The following NOC2L variants were observed in gnomAD, a reference collection of about 807,000 sequenced individuals.
NOC2L encodes nucleolar complex protein 2 homolog.
NOC2L carries 101 observed loss-of-function variants against 94.2 expected under a neutral mutation model. That is an observed-to-expected ratio of 1.07 (90% CI 0.91 to 1.26). The LOEUF is 1.26. Among genes scored for constraint, NOC2L ranks in the 50% most tolerant of loss-of-function variants. The pLI is 0.00. For synonymous variants in NOC2L, 531 were observed against 413.4 expected (o/e 1.28, Z -3.45); for missense variants, 1,076 against 980.1 (o/e 1.10, Z -1.31).
At chr1:949,311 G>T (rs1642193794) in intron 12 of NOC2L, among the ~76,000 whole-genome samples, 1 of 152,212 alleles carries the variant, frequency 6.6e-6, no homozygotes, top group African/African-American at 2.4e-5. Context: ...CAAGGGTGGA[G>T]GCCCCAGCAA....
At position 945,573 on chromosome 1, in the gene NOC2L, G is replaced by C; in HGVS notation, c.1998C>G (p.Asp666Glu). Residue 666 changes from aspartate (D) to glutamate (E), a missense_variant, in exon 17 of 19, where the codon GAC becomes GAG. This residue lies in a region of NOC2L where 615 missense variants were observed against 577.4 expected (regional missense o/e 1.07). Coordinates refer to ENST00000327044, the MANE Select transcript of NOC2L (RefSeq NM_015658.4). Reference protein sequence around the residue: ...RKDEDRKQFKDLFDLNSSEED... With the variant: ...RKDEDRKQFKELFDLNSSEED... Reference sequence around the variant, plus strand: ...CTTCAGAGCTGTTCAGGTCAAAGAGGTCTTTAAATTGCTTCCTGTCCTCAT... The same window carrying C: ...CTTCAGAGCTGTTCAGGTCAAAGAGCTCTTTAAATTGCTTCCTGTCCTCAT... The C allele has an allele frequency of 1.2e-6, 2 of 1,614,124 alleles. No individual in the cohort carries two copies. The highest frequency in any genetic ancestry group is 1.7e-5 in the Admixed American group (1 of 60,024).
In NOC2L at chr1:956,084, C is replaced by G. The variant is rs1251965017; in HGVS notation, c.607+11G>C. The stretch of plus-strand genomic sequence containing the variant: ...CAGACAGCCTGGATGCCAGGCTCCC[C>G]CCAAGCTCACCAGCACTGTCCGTGA... On this transcript the variant is annotated intron_variant, in intron 5 of 18. Coordinates refer to ENST00000327044, the MANE Select transcript of NOC2L (RefSeq NM_015658.4). 2 of 1,614,068 alleles carry G rather than the reference C, an allele frequency of 1.2e-6. No homozygotes were observed. The highest frequency in any genetic ancestry group is 1.3e-5 in the African/African-American group (1 of 75,038).
chr1:953,248 C>T lies in NOC2L; in HGVS notation c.929G>A (p.Arg310Gln), dbSNP rs1365869788. The T allele has an allele frequency of 5.6e-6, 9 of 1,612,104 alleles. No individual in the cohort carries two copies. In the East Asian group the frequency reaches 8.9e-5, roughly 16 times the overall value. ...GCTGAGGACCAGGAAAGCCAGCACCCGCAGAGACTCTTCCCCAGTGCTCCA... is the reference window on the plus strand; with the variant it reads ...GCTGAGGACCAGGAAAGCCAGCACCTGCAGAGACTCTTCCCCAGTGCTCCA... ...IVWSTGEESL[R>Q]VLAFLVLSRV... The change falls in exon 9 of 19, where the codon CGG becomes CAG. Residue 310 changes from arginine to glutamine, a missense_variant. Coordinates refer to ENST00000327044, the MANE Select transcript of NOC2L (RefSeq NM_015658.4).
At chr1:951,337 G>A (rs768828736) in intron 11 of NOC2L, 99 bp from the exon 12 acceptor site, 3 of 920,996 alleles carry the variant, frequency 3.3e-6, no homozygotes, top group African/African-American at 1.6e-5. Context: ...ACCGACATCA[G>A]ACCCCTAAAG....
chr1:944,738 G>A lies in NOC2L; in HGVS notation c.2206C>T (p.Pro736Ser). Residue 736 changes from proline to serine, a missense_variant, in exon 19 of 19, where the codon CCG becomes TCG. Pro to Ser is a moderately conservative substitution (Grantham distance 74). Coordinates refer to ENST00000327044, the MANE Select transcript of NOC2L (RefSeq NM_015658.4). Reference sequence around the variant, plus strand: ...TGCAGATCCTCCAGCTCGTCCTCCGGCCCCTGGGCCAGCTGCTGCAGCTCC... The same window carrying A: ...TGCAGATCCTCCAGCTCGTCCTCCGACCCCTGGGCCAGCTGCTGCAGCTCC... The part of the protein sequence containing the change: ...PGELQQLAQG[P>S]EDELEDLQLS... The A allele has an allele frequency of 1.2e-6, 2 of 1,600,244 alleles. No homozygotes were observed. The highest frequency in any genetic ancestry group is 8.5e-7 in the Non-Finnish European group (1 of 1,178,386).
chr1:953,124 G>T (rs530617306), intron 9 of NOC2L, 51 bp downstream of exon 9: 3 of 1,395,404 alleles, frequency 2.1e-6, no homozygotes, highest in South Asian at 1.2e-5. Context: ...CCCTTAGGCC[G>T]AGATTTCCAA....
chr1:944,796 T>TC lies in NOC2L; in HGVS notation c.2147dup (p.Asp717ArgfsTer60), dbSNP rs1483846598. 6.3e-7 allele frequency: 1 copy of TC among 1,581,666 alleles called. No individual in the cohort carries two copies. The highest frequency in any genetic ancestry group is 2.2e-5 in the East Asian group (1 of 44,546). ...CCAGCCCCGCCTCTGCGTCTGGGTC[T>TC]CCATCTGCGGGGAGAGATGGAGGCT... On this transcript the variant is annotated frameshift_variant, in exon 19 of 19. Transcript: ENST00000327044. LOFTEE classifies it low-confidence loss of function (END_TRUNC).
intron 12 of NOC2L, among the ~76,000 whole-genome samples, chr1:949,225 G>A (rs1034157386): frequency 3.3e-5 from 5 of 152,310 alleles, no homozygotes; most frequent in African/African-American, 9.6e-5. Flanking sequence ...ACCACTAGGA[G>A]CCCTCAGGCT....
Position 944,716 on chromosome 1 carries a change from A to G in NOC2L, c.2228T>C (p.Leu743Pro). The G allele has an allele frequency of 1.9e-6, 3 of 1,599,604 alleles. No homozygotes were observed. Among genetic ancestry groups the G allele is most frequent in the Non-Finnish European group, 2.5e-6 (3 of 1,178,318 alleles). ...GCCTCAGTCGTCCTCTGAGAGCTGC[A>G]GATCCTCCAGCTCGTCCTCCGGCCC... ...AQGPEDELED[L>P]QLSEDD Residue 743 changes from leucine to proline, a missense_variant, in exon 19 of 19, where the codon CTG becomes CCG. By Grantham distance (98) the Leu-to-Pro change is moderately conservative. This residue lies in a region of NOC2L where 615 missense variants were observed against 577.4 expected (regional missense o/e 1.07). Coordinates refer to ENST00000327044, the MANE Select transcript of NOC2L (RefSeq NM_015658.4).
At chr1:952,176 T>G in intron 10 of NOC2L, 37 bp from the exon 11 acceptor site, 1 of 1,611,678 alleles carries the variant, frequency 6.2e-7, no homozygotes, top group Non-Finnish European at 8.5e-7. Context: ...CTGGCCAGGC[T>G]GACAAGTCAG....
In NOC2L at chr1:944,317, G is replaced by C. The variant is rs1055495964; in HGVS notation, c.*377C>G. The stretch of plus-strand genomic sequence containing the variant: ...GAAAGGAACAAATTTTCAAAGACTT[G>C]GGGGAGTGAAGGCAGAGCCTGGTGC... On this transcript the variant is annotated 3_prime_UTR_variant, in exon 19 of 19. Transcript: ENST00000327044. 1.0e-5 allele frequency: 14 copies of C among 1,390,270 alleles called. No individual in the cohort carries two copies. In the South Asian group the frequency reaches 2.0e-4, roughly 20 times the overall value. The allele number at this position is 1,390,270 out of a possible 1,614,324, so 86.1% of individuals were successfully genotyped here.
intron 2 of NOC2L, 34 bp from the exon 3 acceptor site, chr1:957,307 A>G: frequency 6.2e-7 from 1 of 1,608,330 alleles, no homozygotes; most frequent in Non-Finnish European, 8.5e-7. Flanking sequence ...CCCAGTGGGA[A>G]GTGGAAGTAG....
chr1:956,771 G>A (rs1340740902), intron 4 of NOC2L, 123 bp downstream of exon 4: 10 of 1,427,610 alleles, frequency 7.0e-6, no homozygotes, highest in African/African-American at 1.4e-5. Context: ...CGCCTCAGGT[G>A]AGGCAAGGCC....
rs748246429 is a variant in NOC2L at position 956,913 on chromosome 1, C to G, written c.467G>C (p.Arg156Thr). ...SVPVTVAMVERWKQAAKQRLT... is the reference protein window; with the variant it reads ...SVPVTVAMVETWKQAAKQRLT... ...GCTCACCTTTGCTGCCTGCTTCCATCTCTCAACCATGGCGACGGTCACAGG... is the reference window on the plus strand; with the variant it reads ...GCTCACCTTTGCTGCCTGCTTCCATGTCTCAACCATGGCGACGGTCACAGG... Residue 156 changes from arginine (R) to threonine (T), a missense_variant, in exon 4 of 19, where the codon AGA becomes ACA. Arg to Thr is a moderately conservative substitution (Grantham distance 71, BLOSUM62 -1). This residue lies in a region of NOC2L where 457 missense variants were observed against 386.0 expected (regional missense o/e 1.18). Coordinates refer to ENST00000327044, the MANE Select transcript of NOC2L (RefSeq NM_015658.4). 1.2e-6 allele frequency: 2 copies of G among 1,614,012 alleles called. No individual in the cohort carries two copies. The highest frequency in any genetic ancestry group is 3.3e-5 in the Admixed American group (2 of 60,034).
At position 954,082 on chromosome 1, in the gene NOC2L, C is replaced by T. The variant is rs749661234; in HGVS notation, c.699G>A (p.Arg233=). Residue 233 remains arginine, a splice_region_variant and synonymous_variant, in exon 7 of 19, where the codon AGG becomes AGA. Coordinates refer to ENST00000327044, the MANE Select transcript of NOC2L (RefSeq NM_015658.4). The stretch of plus-strand genomic sequence containing the variant: ...GCGGGCTGCTGGACGGCTGCAGCAT[C>T]CTGCAGAGAGACCACCCACCCCTGG... ...LFGKVAKDSS[R]MLQPSSSPLW... is the part of the protein sequence containing the mutation. 1.2e-6 allele frequency: 2 copies of T among 1,611,580 alleles called. No individual in the cohort carries two copies. The highest frequency in any genetic ancestry group is 1.1e-5 in the South Asian group (1 of 90,922).
At chr1:944,855 C>T (rs903722558) in intron 18 of NOC2L, 55 bp from the exon 19 acceptor site, 9 of 1,378,670 alleles carry the variant, frequency 6.5e-6, no homozygotes, top group Admixed American at 4.0e-5. Flanking sequence ...AGAAGCCAGC[C>T]TTAGAGGTTA....
At chr1:946,313 A>C in intron 15 of NOC2L, 27 bp from the exon 16 acceptor site, 1 of 1,611,782 alleles carries the variant, frequency 6.2e-7, no homozygotes, top group Non-Finnish European at 8.5e-7. Flanking sequence ...GTTCAGGGTC[A>C]TGCCTCACCC....
At chr1:949,608 C>G (rs977518929) in intron 12 of NOC2L, among the ~76,000 whole-genome samples, 1 of 152,204 alleles carries the variant, frequency 6.6e-6, no homozygotes, top group African/African-American at 2.4e-5. Context: ...CAGGGCAGTG[C>G]ACAAGTGAAG....
intron 12 of NOC2L, among the ~76,000 whole-genome samples, chr1:950,033 A>G (rs1320498332): frequency 6.6e-6 from 1 of 152,216 alleles, no homozygotes; most frequent in Non-Finnish European, 1.5e-5. Flanking sequence ...TCGGACTCCA[A>G]TCTTTCCCTA....
Sources: allele counts gnomAD v4.1 joint callset (sites outside exome capture counted in the v4.1 genomes callset), GRCh38; gene constraint gnomAD v4.1.1; regional missense constraint gnomAD v4.1.1; transcripts MANE v1.5; gene names NCBI Gene and HGNC (gene_info 2026-07-23, HGNC 2026-07-21).